Variants in COX10 observed in about 807,000 individuals in gnomAD.
COX10 encodes cytochrome c oxidase assembly factor heme A:farnesyltransferase COX10.
In COX10, 27 loss-of-function variants were observed where a neutral mutation model predicts 37.3. The observed-to-expected ratio is 0.72, with a 90% confidence interval of 0.53 to 1.00. The LOEUF (loss-of-function observed/expected upper bound fraction) is 1.00, where lower values mean the gene tolerates loss of function less well. Ranked by LOEUF, COX10 falls within the 50% of genes least tolerant of loss-of-function variation. The probability of loss-of-function intolerance (pLI) is 0.00; values close to 1 mark genes in which losing one functional copy is unlikely to be tolerated. For synonymous variants in COX10, 222 were observed against 229.1 expected, an observed-to-expected ratio of 0.97 and a Z score of 0.28; for missense variants, 475 against 563.2, an observed-to-expected ratio of 0.84 and a Z score of 1.59.
chr17:14,135,399 G>A (rs967704958), intron 4 of COX10, among the ~76,000 whole-genome samples: 1 of 151,774 alleles, frequency 6.6e-6, no homozygotes, highest in Non-Finnish European at 1.5e-5. Flanking sequence ...TAGATATTAG[G>A]TTGGTAGTTC....
intron 4 of COX10, among the ~76,000 whole-genome samples, chr17:14,150,624 G>C (rs1904866604): frequency 6.6e-6 from 1 of 152,174 alleles, no homozygotes; most frequent in Admixed American, 6.5e-5. Context: ...AGAGAAAGGA[G>C]GGCATGTTTT....
intron 4 of COX10, among the ~76,000 whole-genome samples, chr17:14,127,331 C>A (rs1916364101): frequency 6.6e-6 from 1 of 152,146 alleles, no homozygotes; most frequent in Non-Finnish European, 1.5e-5. Flanking sequence ...TTGAGACATT[C>A]TGATAGAGTT....
At chr17:14,074,717 C>T (rs1423571252) in intron 2 of COX10, among the ~76,000 whole-genome samples, 2 of 152,244 alleles carry the variant, frequency 1.3e-5, no homozygotes, top group African/African-American at 4.8e-5. Flanking sequence ...TGGCATATTT[C>T]GACCTGGCCA....
chr17:14,132,686 A>G (rs1916493546), intron 4 of COX10, among the ~76,000 whole-genome samples: 1 of 151,730 alleles, frequency 6.6e-6, no homozygotes. Context: ...CTAACCTGTT[A>G]AATTATTTGA....
chr17:14,146,390 C>G (rs1294845441), intron 4 of COX10, among the ~76,000 whole-genome samples: 2 of 152,018 alleles, frequency 1.3e-5, no homozygotes, highest in South Asian at 2.1e-4. Context: ...AGAACATACA[C>G]TGGGGAAAAG....
intron 5 of COX10, among the ~76,000 whole-genome samples, chr17:14,187,947 A>C (rs1906083120): frequency 6.6e-6 from 1 of 152,180 alleles, no homozygotes; most frequent in Admixed American, 6.5e-5. Flanking sequence ...CTGTGACTTC[A>C]ACAAAGGTCA....
At chr17:14,169,479 A>G (rs571026453) in intron 5 of COX10, among the ~76,000 whole-genome samples, 2 of 151,700 alleles carry the variant, frequency 1.3e-5, no homozygotes, top group East Asian at 3.9e-4. Flanking sequence ...AGAGCACCCC[A>G]CTCCTGGTAC....
chr17:14,125,140 A>G (rs1916307381), intron 4 of COX10, among the ~76,000 whole-genome samples: 1 of 152,162 alleles, frequency 6.6e-6, no homozygotes, highest in Non-Finnish European at 1.5e-5. Context: ...CACATTGGTA[A>G]AATAACGACA....
chr17:14,075,691 C>T (rs1200523350), intron 2 of COX10, among the ~76,000 whole-genome samples: 1 of 152,110 alleles, frequency 6.6e-6, no homozygotes, highest in Admixed American at 6.5e-5. Flanking sequence ...TCCTGCCCTG[C>T]TATAAAATCA....
intron 5 of COX10, among the ~76,000 whole-genome samples, chr17:14,164,198 CTTG>C (rs978082151): frequency 5.3e-4 from 81 of 152,300 alleles, no homozygotes; most frequent in African/African-American, 1.9e-3. Flanking sequence ...TTTGAGCAAT[CTTG>C]TGAAAAGGCT....
intron 3 of COX10, among the ~76,000 whole-genome samples, chr17:14,093,270 T>C (rs987615683): frequency 6.6e-6 from 1 of 152,118 alleles, no homozygotes; most frequent in African/African-American, 2.4e-5. Context: ...TGGCCAGTGC[T>C]AAAAAATAGT....
At chr17:14,119,154 G>A (rs1477360367) in intron 4 of COX10, among the ~76,000 whole-genome samples, 1 of 152,064 alleles carries the variant, frequency 6.6e-6, no homozygotes, top group Non-Finnish European at 1.5e-5. Context: ...AGAGTGTGTG[G>A]TATTTACTGG....
intron 3 of COX10, among the ~76,000 whole-genome samples, chr17:14,080,048 T>C (rs1915252045): frequency 6.6e-6 from 1 of 152,058 alleles, no homozygotes; most frequent in African/African-American, 2.4e-5. Flanking sequence ...AGCAACTCTG[T>C]TACTTTTACG....
chr17:14,192,348 T>TG (rs1326962360), intron 6 of COX10, 127 bp downstream of exon 6: 22 of 1,613,586 alleles, frequency 1.4e-5, no homozygotes, highest in Middle Eastern at 3.3e-4. Context: ...AATGTGCTGA[T>TG]GTGGCAGACT....
chr17:14,204,173 C>T (rs1411083171), intron 6 of COX10, among the ~76,000 whole-genome samples: 1 of 152,150 alleles, frequency 6.6e-6, no homozygotes, highest in Admixed American at 6.5e-5. Context: ...CTAAGAAGTT[C>T]ACCTCAGGTA....
chr17:14,130,194 A>G (rs1916433182), intron 4 of COX10, among the ~76,000 whole-genome samples: 1 of 152,166 alleles, frequency 6.6e-6, no homozygotes, highest in Admixed American at 6.5e-5. Context: ...CCTCAGAATA[A>G]TTCCTCCCTT....
intron 4 of COX10, among the ~76,000 whole-genome samples, chr17:14,124,970 C>G (rs1271237518): frequency 6.6e-6 from 1 of 152,142 alleles, no homozygotes; most frequent in Non-Finnish European, 1.5e-5. Context: ...TATTGCTTTA[C>G]TAGTTTTCAC....
intron 4 of COX10, among the ~76,000 whole-genome samples, chr17:14,143,385 T>C (rs1358541456): frequency 4.6e-5 from 7 of 152,208 alleles, no homozygotes; most frequent in African/African-American, 1.7e-4. Flanking sequence ...TGAAGATTTT[T>C]AAGTTACTTT....
intron 4 of COX10, among the ~76,000 whole-genome samples, chr17:14,116,642 T>C (rs1339150010): frequency 9.1e-6 from 1 of 110,364 alleles, no homozygotes; most frequent in Non-Finnish European, 2.1e-5. Flanking sequence ...ATGCTGATTG[T>C]GTGCATGCAT....
Sources: allele counts gnomAD v4.1 joint callset (sites outside exome capture counted in the v4.1 genomes callset), GRCh38; gene constraint gnomAD v4.1.1; transcripts MANE v1.5; gene names NCBI Gene and HGNC (gene_info 2026-07-23, HGNC 2026-07-21).